CUL4A: variants seen among roughly 807,000 people sequenced by gnomAD.
CUL4A encodes the protein cullin 4A, also known as cullin-4A.
CUL4A carries 16 observed loss-of-function variants against 95.5 expected under a neutral mutation model. The observed-to-expected ratio is 0.17, with a 90% CI of 0.11 to 0.25. The LOEUF is 0.25. Among genes scored for constraint, CUL4A ranks in the 10% least tolerant of loss-of-function variants. The pLI, the probability that CUL4A is intolerant of heterozygous loss-of-function variation, is 1.00. For synonymous variants in CUL4A, 380 were observed against 353.1 expected, an observed-to-expected ratio of 1.08 and a Z score of -0.85; for missense variants, 610 against 937.0, an observed-to-expected ratio of 0.65 and a Z score of 4.56.
At chr13:113,232,073 A>G (rs1364338131) in intron 5 of CUL4A, among the ~76,000 whole-genome samples, 10 of 137,570 alleles carry the variant, frequency 7.3e-5, no homozygotes, top group African/African-American at 2.9e-4. Context: ...TACTGTCACC[A>G]CTACCCGCCC....
At chr13:113,216,837 G>T (rs964530175) in intron 2 of CUL4A, among the ~76,000 whole-genome samples, 1 of 152,242 alleles carries the variant, frequency 6.6e-6, no homozygotes, top group Non-Finnish European at 1.5e-5. Context: ...CGCCTTTCCA[G>T]TGATGAGTGC....
chr13:113,223,840 C>G (rs886342182), intron 3 of CUL4A, among the ~76,000 whole-genome samples: 1 of 152,194 alleles, frequency 6.6e-6, no homozygotes, highest in Non-Finnish European at 1.5e-5. Flanking sequence ...TTACCACATC[C>G]GTTTTCTTGT....
upstream of CUL4A, chr13:113,208,652 G>A (rs375308286): frequency 1.9e-6 from 3 of 1,604,472 alleles, no homozygotes; most frequent in Non-Finnish European, 2.6e-6. Flanking sequence ...CCGCCGAACG[G>A]AGAGCGCCAC....
At chr13:113,226,881 G>A (rs2041124168) in intron 3 of CUL4A, among the ~76,000 whole-genome samples, 1 of 152,132 alleles carries the variant, frequency 6.6e-6, no homozygotes, top group Non-Finnish European at 1.5e-5. Context: ...TAGTCCTAGT[G>A]ACTCTTACCA....
chr13:113,244,624 CA>C lies in CUL4A; in HGVS notation c.1333+111del, dbSNP rs560022927. 9.4e-5 allele frequency: 71 copies of C among 756,552 alleles called. No homozygotes were observed. The East Asian group carries it at 1.8e-3, about 19-fold the overall frequency. The allele number at this position is 756,552 out of a possible 1,614,324, so 46.9% of individuals were successfully genotyped here. On this transcript the variant is annotated intron_variant, in intron 12 of 19. Transcript: ENST00000375440. ...TGTCAGTATCAGTAGAGCCAGTTTGCATTAGAATGAACACTTTTCATCCTTG... is the reference window on the plus strand; with the variant it reads ...TGTCAGTATCAGTAGAGCCAGTTTGCTTAGAATGAACACTTTTCATCCTTG...
At chr13:113,232,328 CAGT>C (rs1222680503) in intron 5 of CUL4A, among the ~76,000 whole-genome samples, 2 of 151,992 alleles carry the variant, frequency 1.3e-5, no homozygotes, top group Admixed American at 6.6e-5. Flanking sequence ...CTGCCACCAC[CAGT>C]ATTACTGTCA....
upstream of CUL4A, chr13:113,208,637 G>A: frequency 6.2e-7 from 1 of 1,606,858 alleles, no homozygotes; most frequent in South Asian, 1.1e-5. Context: ...TGCGCCATGG[G>A]AGCGCCGCCG....
chr13:113,234,634 A>G (rs145573910), intron 7 of CUL4A, among the ~76,000 whole-genome samples: 5 of 152,318 alleles, frequency 3.3e-5, no homozygotes, highest in African/African-American at 1.2e-4. Context: ...GTCTCCTGCA[A>G]CCGTGTTGTT....
chr13:113,258,280 C>T (rs561614049), intron 18 of CUL4A, among the ~76,000 whole-genome samples: 23 of 152,248 alleles, frequency 1.5e-4, no homozygotes, highest in African/African-American at 3.1e-4. Context: ...CGTGAGCCAC[C>T]GTGCCCGGCA....
chr13:113,209,524 GCGCGCGAGGAGGACGGGGCGGAGGC>G (rs2139046438), upstream of CUL4A: 4 of 665,892 alleles, frequency 6.0e-6, no homozygotes, highest in Non-Finnish European at 7.4e-6. Flanking sequence ...GCGGGGCGGG[GCGCGCGAGGAGGACGGGGCGGAGGC>G]CGCGCGGACC....
chr13:113,239,473 C>T lies in CUL4A; in HGVS notation c.957C>T (p.Leu319=), dbSNP rs764012815. 3.1e-6 allele frequency: 5 copies of T among 1,613,872 alleles called. No individual in the cohort carries two copies. Among genetic ancestry groups the T allele is most frequent in the Non-Finnish European group, 4.2e-6 (5 of 1,179,990 alleles). The change falls in exon 10 of 20, where the codon CTC becomes CTT. Residue 319 remains leucine, a synonymous_variant. Transcript: ENST00000375440. ...TGGATGAGAACAGAGTGCCGGACCT[C>T]GCACAGATGTACCAGCTGTTCAGCC... ...HLLDENRVPD[L]AQMYQLFSRV...
upstream of CUL4A, chr13:113,208,880 C>A (rs985603635): frequency 4.3e-6 from 6 of 1,397,844 alleles, no homozygotes; most frequent in Non-Finnish European, 4.6e-6. Flanking sequence ...TGTGTTCGGG[C>A]CCGCCCGGGC....
intron 15 of CUL4A, among the ~76,000 whole-genome samples, chr13:113,246,645 G>A (rs149927945): frequency 6.6e-5 from 10 of 152,306 alleles, no homozygotes; most frequent in Middle Eastern, 3.4e-3. Context: ...TGATGATTTC[G>A]TCAGCTGAGA....
chr13:113,232,354 C>CTA (rs2041381205), intron 5 of CUL4A, among the ~76,000 whole-genome samples: 1 of 152,070 alleles, frequency 6.6e-6, no homozygotes, highest in Admixed American at 6.6e-5. Flanking sequence ...GCCACCACCG[C>CTA]TATTACTACT....
chr13:113,211,906 C>A (rs1215016566), intron 2 of CUL4A, among the ~76,000 whole-genome samples: 1 of 151,958 alleles, frequency 6.6e-6, no homozygotes, highest in Non-Finnish European at 1.5e-5. Context: ...AGCTCCGGTT[C>A]CACTCCGCCA....
intron 7 of CUL4A, 73 bp downstream of exon 7, chr13:113,234,059 T>TG (rs1461651720): frequency 2.3e-6 from 2 of 859,670 alleles, no homozygotes; most frequent in African/African-American, 1.7e-5. Context: ...ACTTTCCTCA[T>TG]GTTTGCCTTT....
intron 10 of CUL4A, among the ~76,000 whole-genome samples, chr13:113,242,307 A>T (rs1466431654): frequency 6.6e-6 from 1 of 152,090 alleles, no homozygotes; most frequent in East Asian, 1.9e-4. Flanking sequence ...TGAGCTTTTC[A>T]TGGTTAGAAG....
rs1274468369 is a variant in CUL4A at position 113,233,258 on chromosome 13, G to A, written c.594G>A (p.Leu198=). Reference sequence around the variant, plus strand: ...GTAAAACCATTGATGGAATCCTACTGCTGATCGAGCGCGAGAGGAGCGGCG... The same window carrying A: ...GTAAAACCATTGATGGAATCCTACTACTGATCGAGCGCGAGAGGAGCGGCG... ...VQSKTIDGIL[L]LIERERSGEA... The change falls in exon 6 of 20, where the codon CTG becomes CTA. Residue 198 remains leucine (L), a synonymous_variant. Transcript: ENST00000375440. 1.9e-6 allele frequency: 3 copies of A among 1,614,094 alleles called. No homozygotes were observed. The Admixed American group carries it at 5.0e-5, about 27-fold the overall frequency.
chr13:113,226,726 A>G (rs1829536924), intron 3 of CUL4A, among the ~76,000 whole-genome samples: 1 of 152,210 alleles, frequency 6.6e-6, no homozygotes, highest in African/African-American at 2.4e-5. Context: ...TTTCCTGTCC[A>G]GCTGCACTTT....
Sources: allele counts gnomAD v4.1 joint callset (sites outside exome capture counted in the v4.1 genomes callset), GRCh38; gene constraint gnomAD v4.1.1; transcripts MANE v1.5; gene names NCBI Gene and HGNC (gene_info 2026-07-23, HGNC 2026-07-21).